The following NSD2 variants were observed in gnomAD, a reference collection of about 807,000 sequenced individuals.
NSD2 encodes nuclear receptor binding SET domain protein 2, also known as histone-lysine N-methyltransferase NSD2.
In NSD2, 12 loss-of-function variants were observed where a neutral mutation model predicts 139.0. The ratio of observed to expected loss-of-function variants is 0.09; its 90% CI spans 0.06 to 0.14. The LOEUF is 0.14. NSD2 is among the 10% of genes least tolerant of loss of function. NSD2 has a pLI of 1.00. For missense variants in NSD2, 1,155 were observed against 1,745.0 expected (o/e 0.66, Z 6.02); for synonymous variants, 669 against 648.7 (o/e 1.03, Z -0.48).
chr4:1,881,170 C>T (rs959892832), intron 1 of NSD2, among the ~76,000 whole-genome samples: 4 of 152,134 alleles, frequency 2.6e-5, no homozygotes, highest in South Asian at 2.1e-4. Flanking sequence ...GGGTCCCTCC[C>T]GGACTCAAAT....
intron 1 of NSD2, among the ~76,000 whole-genome samples, chr4:1,896,723 C>T (rs1280611533): frequency 4.8e-5 from 7 of 145,364 alleles, no homozygotes; most frequent in Non-Finnish European, 9.1e-5. Context: ...TCCTTCCTTT[C>T]CTTCCTTCCC....
chr4:1,940,792 G>A (rs1723011521), intron 9 of NSD2: 2 of 1,059,168 alleles, frequency 1.9e-6, no homozygotes, highest in Non-Finnish European at 2.3e-6. Flanking sequence ...GTGTGCCTCA[G>A]TTGTTTCCAC....
At chr4:1,896,614 CTT>C (rs1219774127) in intron 1 of NSD2, among the ~76,000 whole-genome samples, 1 of 152,226 alleles carries the variant, frequency 6.6e-6, no homozygotes, top group Non-Finnish European at 1.5e-5. Context: ...AATCCTCCCT[CTT>C]TGGCCTCCCA....
At chr4:1,902,214 A>T (rs181577342) in intron 2 of NSD2, among the ~76,000 whole-genome samples, 1 of 152,190 alleles carries the variant, frequency 6.6e-6, no homozygotes, top group East Asian at 1.9e-4. Context: ...GCAGTGGTGA[A>T]GTTTTTAAAT....
At position 1,976,719 on chromosome 4, in the gene NSD2, TGTGGCAGGCTCCTG is replaced by T; in HGVS notation, c.3826+41_3826+54del. On this transcript the variant is annotated intron_variant, in intron 21 of 21. Transcript: ENST00000508803. The surrounding 1 kb of genome is among the most constrained non-coding windows in gnomAD (Gnocchi z 5.3). ...TCGCGGTGGCTTGCAGCTGTGTCTG[TGTGGCAGGCTCCTG>T]ATGGCGGCTGCTGCCGCTCTTCCTG... The T allele has an allele frequency of 1.3e-6, 2 of 1,534,108 alleles. No individual in the cohort carries two copies. Among genetic ancestry groups the T allele is most frequent in the African/African-American group, 2.7e-5 (2 of 72,794 alleles).
intron 6 of NSD2, 93 bp from the exon 7 acceptor site, chr4:1,935,051 G>A: frequency 1.2e-6 from 1 of 859,124 alleles, no homozygotes; most frequent in Non-Finnish European, 1.8e-6. Flanking sequence ...GGCTGGATCT[G>A]TATGTTGAAT....
At chr4:1,941,397 G>T (rs1723080451) in intron 9 of NSD2, 1 of 1,049,836 alleles carries the variant, frequency 9.5e-7, no homozygotes, top group East Asian at 5.5e-5. Flanking sequence ...CCTAAGTCAT[G>T]TATATCGAAG....
intron 3 of NSD2, among the ~76,000 whole-genome samples, chr4:1,916,657 C>A (rs1021561764): frequency 6.6e-6 from 1 of 152,152 alleles, no homozygotes; most frequent in African/African-American, 2.4e-5. Context: ...GGCTTTCTTT[C>A]CCATTCAATT....
At chr4:1,971,545 T>C (rs1726479930) in intron 18 of NSD2, among the ~76,000 whole-genome samples, 2 of 152,206 alleles carry the variant, frequency 1.3e-5, no homozygotes, top group South Asian at 4.1e-4. Context: ...ACAGAAACAA[T>C]AGAAATAAAT....
chr4:1,905,251 C>T (rs923156066), intron 3 of NSD2, among the ~76,000 whole-genome samples: 1 of 152,176 alleles, frequency 6.6e-6, no homozygotes, highest in Non-Finnish European at 1.5e-5. Context: ...TCTGAAAGTT[C>T]TTCTAGAGTG....
intron 3 of NSD2, among the ~76,000 whole-genome samples, chr4:1,910,279 G>A (rs535551991): frequency 4.0e-4 from 60 of 151,530 alleles, no homozygotes; most frequent in African/African-American, 1.4e-3. Flanking sequence ...AGGCTGGAGT[G>A]CAGTGTCACA....
rs1488952411 is a variant in NSD2, at chr4:1,979,003, A to C, written c.*94A>C. ...GAGCATGAACTGGCCCGGAGGACCC[A>C]GCTCGAGCCGCCAGGACACAGACGT... On this transcript the variant is annotated 3_prime_UTR_variant, in exon 22 of 22. Transcript: ENST00000508803. The C allele has an allele frequency of 7.1e-7, 1 of 1,412,816 alleles. No homozygotes were observed. Among genetic ancestry groups the C allele is most frequent in the African/African-American group, 1.4e-5 (1 of 69,114 alleles). 87.5% of individuals were successfully genotyped at this position (1,412,816 alleles called of 1,614,324 possible).
At chr4:1,935,750 A>C (rs1046222606) in intron 7 of NSD2, among the ~76,000 whole-genome samples, 4 of 152,024 alleles carry the variant, frequency 2.6e-5, no homozygotes, top group Admixed American at 1.3e-4. Flanking sequence ...AATCCCAGCT[A>C]CTCAAGAGGC....
At position 1,900,833 on chromosome 4, in the gene NSD2, G is replaced by C; in HGVS notation, c.179G>C (p.Gly60Ala). The C allele has an allele frequency of 6.2e-7, 1 of 1,613,868 alleles. No individual in the cohort carries two copies. Among genetic ancestry groups the C allele is most frequent in the Non-Finnish European group, 8.5e-7 (1 of 1,179,932 alleles). Residue 60 changes from glycine (G) to alanine (A), a missense_variant, in exon 2 of 22, where the codon GGG becomes GCG. Physicochemically the swap from Gly to Ala is moderately conservative, Grantham distance 60. Transcript: ENST00000508803. ...KAQLSSSLQEGVMQKFNGHDA... is the reference protein window; with the variant it reads ...KAQLSSSLQEAVMQKFNGHDA... ...CAGCTCTCCAGTAGCCTGCAGGAGG[G>C]GGTCATGCAGAAGTTTAACGGCCAC...
rs767627490 is a variant in NSD2 at position 1,956,099 on chromosome 4, C to T, written c.2792C>T (p.Thr931Met). 1.5e-5 allele frequency: 24 copies of T among 1,613,740 alleles called. No homozygotes were observed. In the East Asian group the frequency reaches 1.6e-4, roughly 10 times the overall value. ...FFFGSKDYYW[T>M]HQARVFPYME... ...TTTGGGTCTAAAGATTATTACTGGA[C>T]GCATCAGGCGCGAGTGTTCCCGTAC... The change falls in exon 15 of 22, where the codon ACG (threonine) becomes ATG (methionine). Residue 931 changes from threonine (T) to methionine (M), a missense_variant. Transcript: ENST00000508803. The surrounding 1 kb of genome is among the most constrained non-coding windows in gnomAD (Gnocchi z 5.3).
Position 1,962,701 on chromosome 4 carries a change from G to T in NSD2, c.3372+1550G>T, listed in dbSNP as rs575825387. Among the ~76,000 whole-genome samples, 10 of 152,070 alleles carry T rather than the reference G, an allele frequency of 6.6e-5. No individual in the cohort carries two copies. The East Asian group carries it at 9.7e-4, about 15-fold the overall frequency. On this transcript the variant is annotated intron_variant, in intron 18 of 21. Transcript: ENST00000508803. Reference sequence around the variant, plus strand: ...TGTTATTTTTCTTTTTTGAGACAGGGTCTCTATCACCCAGGGTGGAGTGCA... The same window carrying T: ...TGTTATTTTTCTTTTTTGAGACAGGTTCTCTATCACCCAGGGTGGAGTGCA...
At chr4:1,914,591 GC>G (rs1161163624) in intron 3 of NSD2, among the ~76,000 whole-genome samples, 12 of 152,162 alleles carry the variant, frequency 7.9e-5, no homozygotes, top group Admixed American at 7.9e-4. Flanking sequence ...CTCCCGAAGT[GC>G]TGGGATTACA....
At chr4:1,975,839 C>T (rs545676363) in intron 20 of NSD2, among the ~76,000 whole-genome samples, 1 of 152,290 alleles carries the variant, frequency 6.6e-6, no homozygotes, top group Non-Finnish European at 1.5e-5. Context: ...GTTGACTTAG[C>T]GCCTGCCCTG....
At chr4:1,957,090 A>G (rs1577541096) in intron 15 of NSD2, among the ~76,000 whole-genome samples, 1 of 152,212 alleles carries the variant, frequency 6.6e-6, no homozygotes, top group Non-Finnish European at 1.5e-5. Context: ...CTGTAGAGCC[A>G]GAAACCTTTG....
Sources: allele counts gnomAD v4.1 joint callset (sites outside exome capture counted in the v4.1 genomes callset), GRCh38; gene constraint gnomAD v4.1.1; non-coding constraint Gnocchi (gnomAD v3.1); transcripts MANE v1.5; gene names NCBI Gene and HGNC (gene_info 2026-07-23, HGNC 2026-07-21).